Variants in SORCS2 observed in about 807,000 individuals in gnomAD.
The protein encoded by SORCS2 is VPS10 domain-containing receptor SorCS2.
SORCS2 carries 100 observed loss-of-function variants against 141.6 expected under a neutral mutation model. The ratio of observed to expected loss-of-function variants is 0.71; its 90% CI spans 0.60 to 0.83. SORCS2 has a LOEUF of 0.83. Ranked by LOEUF, SORCS2 falls within the 40% of genes least tolerant of loss-of-function variation. SORCS2 has a pLI of 0.00. For missense variants in SORCS2, 1,646 were observed against 1,560.2 expected, an observed-to-expected ratio of 1.05 and a Z score of -0.93; for synonymous variants, 789 against 676.9, an observed-to-expected ratio of 1.17 and a Z score of -2.57.
intron 3 of SORCS2, among the ~76,000 whole-genome samples, chr4:7,602,830 C>T (rs547592690): frequency 6.6e-6 from 1 of 152,298 alleles, no homozygotes; most frequent in South Asian, 2.1e-4. Flanking sequence ...GAGGTTGTAG[C>T]CAACCGAGAT....
At chr4:7,388,359 T>C (rs148733891) in intron 1 of SORCS2, among the ~76,000 whole-genome samples, 1 of 152,138 alleles carries the variant, frequency 6.6e-6, no homozygotes, top group African/African-American at 2.4e-5. Flanking sequence ...TTTGGCCAGA[T>C]GAGAAAAGCC....
At chr4:7,707,840 G>C (rs541097906) in intron 14 of SORCS2, among the ~76,000 whole-genome samples, 5 of 152,318 alleles carry the variant, frequency 3.3e-5, no homozygotes, top group African/African-American at 4.8e-5. Context: ...TGCAAGCACC[G>C]CCTGCAGGGG....
At chr4:7,374,824 G>A (rs975871289) in intron 1 of SORCS2, among the ~76,000 whole-genome samples, 2 of 152,190 alleles carry the variant, frequency 1.3e-5, no homozygotes. Context: ...TGCCTGGGTA[G>A]ACCGCGGGTG....
intron 1 of SORCS2, among the ~76,000 whole-genome samples, chr4:7,343,303 C>T (rs1206514477): frequency 1.3e-5 from 2 of 152,196 alleles, no homozygotes; most frequent in Non-Finnish European, 2.9e-5. Context: ...AGGCCTGGGA[C>T]GTTGGAATCA....
intron 2 of SORCS2, among the ~76,000 whole-genome samples, chr4:7,513,562 G>C (rs559605038): frequency 6.6e-6 from 1 of 152,294 alleles, no homozygotes; most frequent in East Asian, 1.9e-4. Context: ...AGACCCACTC[G>C]GTAGAAAGGG....
At chr4:7,252,754 C>A (rs896485522) in intron 1 of SORCS2, among the ~76,000 whole-genome samples, 1 of 152,192 alleles carries the variant, frequency 6.6e-6, no homozygotes, top group South Asian at 2.1e-4. Context: ...GCATGGAGGG[C>A]CCTTCCTCAC....
intron 23 of SORCS2, among the ~76,000 whole-genome samples, chr4:7,732,303 G>A (rs1475595293): frequency 6.6e-6 from 1 of 152,212 alleles, no homozygotes; most frequent in African/African-American, 2.4e-5. Context: ...GACCAGTGCT[G>A]TGAAAGGTGG....
At chr4:7,531,999 C>G (rs191390238) in intron 3 of SORCS2, among the ~76,000 whole-genome samples, 50 of 152,330 alleles carry the variant, frequency 3.3e-4, no homozygotes, top group African/African-American at 1.0e-3. Flanking sequence ...TGAGCAGGCC[C>G]GTTCTTCGGA....
At chr4:7,247,719 G>A (rs916684979) in intron 1 of SORCS2, among the ~76,000 whole-genome samples, 4 of 152,310 alleles carry the variant, frequency 2.6e-5, no homozygotes, top group African/African-American at 9.6e-5. Context: ...GGGACCTGGC[G>A]ACCCTGGCGA....
At chr4:7,489,525 TC>T (rs1731192291) in intron 2 of SORCS2, among the ~76,000 whole-genome samples, 1 of 152,184 alleles carries the variant, frequency 6.6e-6, no homozygotes, top group East Asian at 1.9e-4. Flanking sequence ...ATGTAAACTG[TC>T]CCCGGCCCTC....
In SORCS2 at chr4:7,433,289, G is replaced by T. The variant is rs866509461; in HGVS notation, c.548+36934G>T. ...ACCCACCTCATGGGCCTCGCTAGCAGGCTCTGGGTCTCTGGCAGCCACGGT... is the reference window on the plus strand; with the variant it reads ...ACCCACCTCATGGGCCTCGCTAGCATGCTCTGGGTCTCTGGCAGCCACGGT... On this transcript the variant is annotated intron_variant, in intron 2 of 26. Transcript: ENST00000507866. The T allele has an allele frequency of 3.7e-5, 51 of 1,365,324 alleles. No individual in the cohort carries two copies. The South Asian group carries it at 7.8e-4, about 21-fold the overall frequency. The allele number at this position is 1,365,324 out of a possible 1,614,324, so 84.6% of individuals were successfully genotyped here. A position where few individuals can be genotyped will look rare whatever the true frequency, so the allele number is the denominator to read the frequency against.
At chr4:7,276,757 C>T (rs978539151) in intron 1 of SORCS2, among the ~76,000 whole-genome samples, 1 of 152,218 alleles carries the variant, frequency 6.6e-6, no homozygotes, top group African/African-American at 2.4e-5. Flanking sequence ...GACCTCATCT[C>T]TGTCTACTTC....
rs75308027 is a variant in SORCS2, at chr4:7,660,336, C to A, written c.888-1164C>A. Among the ~76,000 whole-genome samples, 798 of 152,302 alleles carry A rather than the reference C, an allele frequency of 5.2e-3. 4 individuals are homozygous for A. The highest frequency in any genetic ancestry group is 0.019 in the African/African-American group (773 of 41,580). ...CCGCCTGAGTGTCCTGACCCAGGAGCCCACAGGGCAGCTACAGTGTCTCCT... is the reference window on the plus strand; with the variant it reads ...CCGCCTGAGTGTCCTGACCCAGGAGACCACAGGGCAGCTACAGTGTCTCCT... On this transcript the variant is annotated intron_variant, in intron 5 of 26. Coordinates refer to ENST00000507866, the MANE Select transcript of SORCS2 (RefSeq NM_020777.3).
chr4:7,472,698 C>G (rs1730051199), intron 2 of SORCS2, among the ~76,000 whole-genome samples: 1 of 152,162 alleles, frequency 6.6e-6, no homozygotes, highest in Non-Finnish European at 1.5e-5. Flanking sequence ...GGGATCTGGT[C>G]ACATCCCGCT....
At chr4:7,647,475 C>A (rs982428420) in intron 4 of SORCS2, among the ~76,000 whole-genome samples, 2 of 152,168 alleles carry the variant, frequency 1.3e-5, no homozygotes, top group Non-Finnish European at 2.9e-5. Context: ...CCTGAAGACA[C>A]CGTGGAGGCG....
In SORCS2 at chr4:7,729,579, C is replaced by G. The variant is rs1297812410; in HGVS notation, c.2983-8C>G. The G allele has an allele frequency of 6.3e-7, 1 of 1,576,426 alleles. No homozygotes were observed. ...AGGCGGACCAAAGTGGCTTAACTCT[C>G]CCCGCAGGAGACCAGCGTCCCTCAG... On this transcript the variant is annotated splice_region_variant and splice_polypyrimidine_tract_variant and intron_variant, in intron 22 of 26. Coordinates refer to ENST00000507866, the MANE Select transcript of SORCS2 (RefSeq NM_020777.3).
intron 1 of SORCS2, among the ~76,000 whole-genome samples, chr4:7,224,025 A>G (rs753504117): frequency 1.3e-5 from 2 of 152,224 alleles, no homozygotes; most frequent in Non-Finnish European, 2.9e-5. Flanking sequence ...AGCAATGCAG[A>G]GAGGGTGGGG....
At chr4:7,632,261 A>G (rs1719941362) in intron 3 of SORCS2, among the ~76,000 whole-genome samples, 1 of 103,636 alleles carries the variant, frequency 9.6e-6, no homozygotes, top group South Asian at 2.3e-4. Context: ...TCTCTTTACC[A>G]TGTTTTAGAA....
At chr4:7,699,597 C>T (rs552151263) in intron 12 of SORCS2, among the ~76,000 whole-genome samples, 2 of 152,146 alleles carry the variant, frequency 1.3e-5, no homozygotes, top group African/African-American at 2.4e-5. Flanking sequence ...CTCGGGGGAC[C>T]CCCAAAGCAG....
Sources: gnomAD v4.1 joint callset for allele counts (sites outside exome capture counted in the v4.1 genomes callset) on GRCh38, gnomAD v4.1.1 for gene constraint, MANE v1.5 for transcripts, NCBI Gene and HGNC (gene_info 2026-07-23, HGNC 2026-07-21) for gene names.